FERMT1: variants seen among roughly 807,000 people sequenced by gnomAD.
FERMT1 encodes fermitin family homolog 1.
FERMT1 carries 60 observed loss-of-function variants against 85.3 expected under a neutral mutation model. The ratio of observed to expected loss-of-function variants is 0.70; its 90% CI spans 0.57 to 0.87. The LOEUF (loss-of-function observed/expected upper bound fraction) is 0.87. FERMT1 is among the 40% of genes least tolerant of loss of function. The probability of loss-of-function intolerance (pLI) is 0.00; values close to 1 mark genes in which losing one functional copy is unlikely to be tolerated. For missense variants in FERMT1, 701 were observed against 818.9 expected, an observed-to-expected ratio of 0.86 and a Z score of 1.76; for synonymous variants, 275 against 301.1, an observed-to-expected ratio of 0.91 and a Z score of 0.90.
intron 3 of FERMT1, among the ~76,000 whole-genome samples, chr20:6,114,285 T>C (rs1983039035): frequency 6.6e-6 from 1 of 152,244 alleles, no homozygotes; most frequent in African/African-American, 2.4e-5. Context: ...ATCTTCAAGG[T>C]TAAGATTTGT....
In FERMT1 at chr20:6,104,843, A is replaced by G. The variant is rs566406581; in HGVS notation, c.849+2689T>C. The stretch of plus-strand genomic sequence containing the variant: ...ATATTTATACCAATGATCTGCCATT[A>G]TCTGGCTTATTTGACTGTGAAGTCA... On this transcript the variant is annotated intron_variant, in intron 6 of 14. Transcript: ENST00000217289. This position sits in a 1 kb window ranked among gnomAD's most constrained non-coding sequence, Gnocchi z 4.2. 9.3e-4 allele frequency among the ~76,000 whole-genome samples: 141 copies of G among 152,232 alleles called. 7 individuals are homozygous for G. Among genetic ancestry groups the G allele is most frequent in the Non-Finnish European group, 4.1e-4 (28 of 68,046 alleles).
chr20:6,097,497 A>C, intron 7 of FERMT1, 27 bp downstream of exon 7: 3 of 1,521,274 alleles, frequency 2.0e-6, no homozygotes, highest in Non-Finnish European at 1.8e-6. Flanking sequence ...GTCTCCTTCC[A>C]GAGAAAAGGT....
At chr20:6,106,891 C>T (rs538034068) in intron 6 of FERMT1, among the ~76,000 whole-genome samples, 13 of 152,112 alleles carry the variant, frequency 8.5e-5, no homozygotes, top group Non-Finnish European at 1.9e-4. Context: ...TCCTTTCCTT[C>T]CTCAGCATTA....
chr20:6,109,902 CA>C (rs11436082), intron 5 of FERMT1, among the ~76,000 whole-genome samples: 114 of 123,550 alleles, frequency 9.2e-4, no homozygotes, highest in South Asian at 3.0e-3. Flanking sequence ...AACTCCATCT[CA>C]AAAAAAAAAA....
Position 6,075,775 on chromosome 20 carries a change from G to A in FERMT1, c.*1398C>T, listed in dbSNP as rs1276086872. 2 of 152,298 alleles carry A rather than the reference G, an allele frequency of 1.3e-5. No individual in the cohort carries two copies. Among genetic ancestry groups the A allele is most frequent in the Non-Finnish European group, 2.9e-5 (2 of 68,022 alleles). The allele number at this position is 152,298 out of a possible 1,614,324, so 9.4% of individuals were successfully genotyped here. A position where few individuals can be genotyped will look rare whatever the true frequency, so the allele number is the denominator to read the frequency against. ...AGGAGAACTGAAAAATGGGATTGGA[G>A]CTTTTGCCTTATCCTTACACCCCAA... On this transcript the variant is annotated 3_prime_UTR_variant, in exon 15 of 15. Coordinates refer to ENST00000217289, the MANE Select transcript of FERMT1 (RefSeq NM_017671.5).
intron 9 of FERMT1, among the ~76,000 whole-genome samples, chr20:6,092,230 C>T (rs1336592756): frequency 6.6e-6 from 1 of 152,136 alleles, no homozygotes; most frequent in Non-Finnish European, 1.5e-5. Flanking sequence ...TCCCTTATTA[C>T]ATAAACACAT....
intron 4 of FERMT1, among the ~76,000 whole-genome samples, chr20:6,111,549 T>C (rs188948626): frequency 5.9e-5 from 9 of 152,206 alleles, no homozygotes; most frequent in Admixed American, 2.0e-4. Flanking sequence ...TGAGAATCAC[T>C]TGAGCCCGGG....
rs187522791 is a variant in FERMT1, at chr20:6,086,667, G to T, written c.1371+1110C>A. ...GATCATGGGGGCAGATATACCTCTC[G>T]CTGTTCTTGTGATATTGAGTGAGTT... On this transcript the variant is annotated intron_variant, in intron 11 of 14. Transcript: ENST00000217289. Among the ~76,000 whole-genome samples, 6 of 152,216 alleles carry T rather than the reference G, an allele frequency of 3.9e-5. No individual in the cohort carries two copies. In the East Asian group the frequency reaches 1.2e-3, roughly 29 times the overall value.
At chr20:6,115,786 A>C in intron 3 of FERMT1, 25 bp downstream of exon 3, 1 of 1,545,300 alleles carries the variant, frequency 6.5e-7, no homozygotes, top group South Asian at 1.1e-5. Flanking sequence ...TCTACAGGGC[A>C]CAGGGGCCTT....
rs530230122 is a variant in FERMT1 at position 6,080,731 on chromosome 20, C to T, written c.1719-1154G>A. ...ATGACTCCAAAGGATTTGGCCTGAA[C>T]ATCTAGGGCGAGGAGTTGCCTTCTA... On this transcript the variant is annotated intron_variant, in intron 13 of 14. Transcript: ENST00000217289. 3.0e-4 allele frequency among the ~76,000 whole-genome samples: 46 copies of T among 152,266 alleles called. No individual in the cohort carries two copies. The South Asian group carries it at 9.1e-3, about 30-fold the overall frequency.
chr20:6,106,964 G>A (rs533927052), intron 6 of FERMT1, among the ~76,000 whole-genome samples: 35 of 152,248 alleles, frequency 2.3e-4, no homozygotes, highest in African/African-American at 5.1e-4. Flanking sequence ...TTGGGAGGCC[G>A]AGGTGGGAGG....
At chr20:6,119,294 C>T (rs1983196898) in intron 2 of FERMT1, 110 bp downstream of exon 2, 9 of 1,133,634 alleles carry the variant, frequency 7.9e-6, no homozygotes, top group Non-Finnish European at 1.2e-5. Context: ...GGGGATTGCT[C>T]TCCAGGGCAT....
At chr20:6,082,488 C>T (rs986297240) in intron 13 of FERMT1, among the ~76,000 whole-genome samples, 1 of 152,126 alleles carries the variant, frequency 6.6e-6, no homozygotes, top group African/African-American at 2.4e-5. Flanking sequence ...GTGTGTGTGT[C>T]CGCACATGGA....
In FERMT1 at chr20:6,096,894, G is replaced by A. The variant is rs755468837; in HGVS notation, c.1089+8C>T. 25 of 1,584,110 alleles carry A rather than the reference G, an allele frequency of 1.6e-5. No individual in the cohort carries two copies. The Admixed American group carries it at 4.3e-4, about 27-fold the overall frequency. On this transcript the variant is annotated splice_region_variant and intron_variant, in intron 8 of 14. Coordinates refer to ENST00000217289, the MANE Select transcript of FERMT1 (RefSeq NM_017671.5). Reference sequence around the variant, plus strand: ...CCACAGTTCTGGGTGATCAGAAAAAGTTCATACCAAAAGGCTGTCCGCTTT... The same window carrying A: ...CCACAGTTCTGGGTGATCAGAAAAAATTCATACCAAAAGGCTGTCCGCTTT...
Position 6,084,132 on chromosome 20 carries a change from G to A in FERMT1, c.1626C>T (p.Asn542=), listed in dbSNP as rs1431407393. The change falls in exon 13 of 15, where the codon AAC becomes AAT. Residue 542 remains asparagine (N), a synonymous_variant. Coordinates refer to ENST00000217289, the MANE Select transcript of FERMT1 (RefSeq NM_017671.5). Reference sequence around the variant, plus strand: ...CTTCGACCAGGGGCATCTGGGCCACGTTCTGGTGCGCCTCCAGGATCCGGG... The same window carrying A: ...CTTCGACCAGGGGCATCTGGGCCACATTCTGGTGCGCCTCCAGGATCCGGG... The part of the protein sequence containing the change: ...LAARILEAHQ[N]VAQMPLVEAK... 16 of 1,613,288 alleles carry A rather than the reference G, an allele frequency of 9.9e-6. No individual in the cohort carries two copies. The highest frequency in any genetic ancestry group is 1.6e-4 in the Middle Eastern group (1 of 6,082).
intron 5 of FERMT1, among the ~76,000 whole-genome samples, chr20:6,108,288 G>T (rs987296262): frequency 6.6e-6 from 1 of 151,692 alleles, no homozygotes; most frequent in African/African-American, 2.4e-5. Context: ...AACACTTCTG[G>T]TCTCAAGCAT....
At chr20:6,084,821 G>A (rs1036041228) in intron 12 of FERMT1, among the ~76,000 whole-genome samples, 2 of 151,812 alleles carry the variant, frequency 1.3e-5, no homozygotes, top group African/African-American at 4.8e-5. Flanking sequence ...AGCCTCCCAA[G>A]TAGCTGGGAT....
chr20:6,114,424 C>G (rs1983044229), intron 3 of FERMT1, among the ~76,000 whole-genome samples: 1 of 152,166 alleles, frequency 6.6e-6, no homozygotes, highest in Non-Finnish European at 1.5e-5. Context: ...AAGAGATAAT[C>G]AGGAAAAGAG....
At chr20:6,110,712 G>C (rs2123141788) in intron 4 of FERMT1, among the ~76,000 whole-genome samples, 1 of 152,196 alleles carries the variant, frequency 6.6e-6, no homozygotes, top group Middle Eastern at 3.4e-3. Context: ...AATTGTTTGA[G>C]CCTAGGAGTT....
Sources: gnomAD v4.1 joint callset for allele counts (sites outside exome capture counted in the v4.1 genomes callset) on GRCh38, gnomAD v4.1.1 for gene constraint, Gnocchi (gnomAD v3.1) non-coding constraint, MANE v1.5 for transcripts, NCBI Gene and HGNC (gene_info 2026-07-23, HGNC 2026-07-21) for gene names.